The following NRXN3 variants were observed in gnomAD, a reference collection of about 807,000 sequenced individuals.
The protein encoded by NRXN3 is neurexin 3, also known as neurexin III.
NRXN3 carries 32 observed loss-of-function variants against 137.6 expected under a neutral mutation model. That is an observed-to-expected ratio of 0.23 (90% confidence interval 0.18 to 0.31). The LOEUF (loss-of-function observed/expected upper bound fraction) is 0.31, where lower values mean the gene tolerates loss of function less well. NRXN3 is among the 10% of genes least tolerant of loss of function. NRXN3 has a pLI of 1.00. For missense variants in NRXN3, 1,574 were observed against 2,062.5 expected (o/e 0.76, Z 4.59); for synonymous variants, 798 against 784.5 (o/e 1.02, Z -0.29).
intron 10 of NRXN3, among the ~76,000 whole-genome samples, chr14:78,910,280 G>A (rs2099233274): frequency 6.6e-6 from 1 of 151,976 alleles, no homozygotes; most frequent in Admixed American, 6.6e-5. Flanking sequence ...TGGCAATGTA[G>A]CTTTGGGCAA....
intron 16 of NRXN3, chr14:79,573,133 A>G (rs958548052): frequency 1.3e-5 from 2 of 152,176 alleles, no homozygotes. Flanking sequence ...TTTTAAATAT[A>G]TATTAGTTTC....
At chr14:78,342,781 G>A (rs1374388529) in intron 4 of NRXN3, among the ~76,000 whole-genome samples, 1 of 152,088 alleles carries the variant, frequency 6.6e-6, no homozygotes, top group Non-Finnish European at 1.5e-5. Context: ...ACCCATCTCT[G>A]ATGTGATGGG....
intron 15 of NRXN3, among the ~76,000 whole-genome samples, chr14:79,320,796 C>T (rs908545170): frequency 6.6e-6 from 1 of 151,312 alleles, no homozygotes; most frequent in African/African-American, 2.4e-5. Flanking sequence ...ACCAACAAAA[C>T]GTGTCATATG....
rs193159592 is a variant in NRXN3, at chr14:79,759,101, G to A, written c.4015-46011G>A. Among the ~76,000 whole-genome samples the A allele has an allele frequency of 6.7e-3, 1,022 of 152,240 alleles. 8 individuals are homozygous for A. The highest frequency in any genetic ancestry group is 0.011 in the Non-Finnish European group (736 of 68,034). ...TGTAATAAGATTTTTTTAGATAGTG[G>A]CAAGATAAAATGTTTTGAGGTTTGG... is the stretch of plus-strand genomic sequence containing the variant. On this transcript the variant is annotated intron_variant, in intron 19 of 20. Coordinates refer to ENST00000335750, the MANE Select transcript of NRXN3 (RefSeq NM_001330195.2).
chr14:79,245,293 C>G (rs751489494), intron 15 of NRXN3, among the ~76,000 whole-genome samples: 16 of 152,244 alleles, frequency 1.1e-4, no homozygotes, highest in Admixed American at 5.9e-4. Flanking sequence ...TGTTGCCACA[C>G]TCTATGCACC....
In NRXN3 at chr14:79,371,237, G is replaced by A. The variant is rs773129317; in HGVS notation, c.3263-95984G>A. Among the ~76,000 whole-genome samples the A allele has an allele frequency of 6.6e-5, 10 of 152,198 alleles. 1 individual carries two copies. The Middle Eastern group carries it at 0.014, about 208-fold the overall frequency. On this transcript the variant is annotated intron_variant, in intron 15 of 20. Transcript: ENST00000335750. ...CATTTTTTTTCTACCCTTTAGTCAT[G>A]TGTTTGTAAGGAATAAATTACTAAA...
chr14:79,700,450 A>G (rs1007377340), intron 19 of NRXN3, among the ~76,000 whole-genome samples: 3 of 152,194 alleles, frequency 2.0e-5, no homozygotes, highest in Admixed American at 6.5e-5. Flanking sequence ...CTTTTGCTAA[A>G]TTTAATAACA....
intron 6 of NRXN3, among the ~76,000 whole-genome samples, chr14:78,704,103 T>C (rs2098320612): frequency 6.6e-6 from 1 of 152,216 alleles, no homozygotes. Flanking sequence ...AAGAAAATAC[T>C]TCTCTGAGTG....
intron 16 of NRXN3, among the ~76,000 whole-genome samples, chr14:79,609,899 G>A (rs2098077563): frequency 6.6e-6 from 1 of 151,924 alleles, no homozygotes. Context: ...GTTGAACAAT[G>A]AGAAAACATG....
chr14:78,824,103 C>CTTTTT (rs11387026), intron 10 of NRXN3, among the ~76,000 whole-genome samples: 20 of 98,874 alleles, frequency 2.0e-4, no homozygotes, highest in East Asian at 1.5e-3. Context: ...TCACCTGCTT[C>CTTTTT]TTTTTTTTTT....
At chr14:79,425,417 C>A (rs1457019365) in intron 15 of NRXN3, among the ~76,000 whole-genome samples, 4 of 152,122 alleles carry the variant, frequency 2.6e-5, no homozygotes, top group Non-Finnish European at 5.9e-5. Flanking sequence ...ACCTTCAGTG[C>A]CTCTGTCACA....
chr14:78,859,615 CTT>C (rs2099067097), intron 10 of NRXN3, among the ~76,000 whole-genome samples: 1 of 152,122 alleles, frequency 6.6e-6, no homozygotes, highest in Non-Finnish European at 1.5e-5. Context: ...ACTTTCAACT[CTT>C]TGTTGATCTA....
chr14:78,669,614 C>A (rs2097917132), intron 6 of NRXN3, among the ~76,000 whole-genome samples: 1 of 152,102 alleles, frequency 6.6e-6, no homozygotes, highest in Admixed American at 6.5e-5. Flanking sequence ...TTAGTTCACA[C>A]CCATAGTGAC....
chr14:79,315,369 T>C (rs1033682972), intron 15 of NRXN3, among the ~76,000 whole-genome samples: 1 of 152,192 alleles, frequency 6.6e-6, no homozygotes, highest in African/African-American at 2.4e-5. Flanking sequence ...CTATATATTG[T>C]TCTAAGTAAA....
chr14:79,843,881 T>C (rs1339023770), intron 20 of NRXN3, among the ~76,000 whole-genome samples: 1 of 152,106 alleles, frequency 6.6e-6, no homozygotes, highest in African/African-American at 2.4e-5. Flanking sequence ...GTACCCAATA[T>C]ATAGTCTTTT....
At chr14:79,492,130 A>T (rs923766851) in intron 16 of NRXN3, among the ~76,000 whole-genome samples, 17 of 152,198 alleles carry the variant, frequency 1.1e-4, no homozygotes, top group African/African-American at 3.9e-4. Flanking sequence ...ACTCAGAATG[A>T]ATATCCAGAT....
intron 16 of NRXN3, among the ~76,000 whole-genome samples, chr14:79,512,296 G>C (rs1257124150): frequency 6.6e-6 from 1 of 152,110 alleles, no homozygotes; most frequent in Non-Finnish European, 1.5e-5. Flanking sequence ...GAGAAATTAT[G>C]CCTCATCTTG....
At chr14:79,578,174 T>C (rs925128465) in intron 16 of NRXN3, among the ~76,000 whole-genome samples, 50 of 152,290 alleles carry the variant, frequency 3.3e-4, no homozygotes, top group African/African-American at 1.2e-3. Flanking sequence ...CATTGTGATT[T>C]ATTGTAAGGA....
chr14:78,386,219 T>C (rs2089962609), intron 4 of NRXN3, among the ~76,000 whole-genome samples: 1 of 152,240 alleles, frequency 6.6e-6, no homozygotes, highest in Non-Finnish European at 1.5e-5. Flanking sequence ...ATTGAGTGTT[T>C]TGCCTTAAAA....
Sources: allele counts gnomAD v4.1 joint callset (sites outside exome capture counted in the v4.1 genomes callset), GRCh38; gene constraint gnomAD v4.1.1; transcripts MANE v1.5; gene names NCBI Gene and HGNC (gene_info 2026-07-23, HGNC 2026-07-21).